Variants in ZNF711 observed in about 807,000 individuals in gnomAD.
The protein encoded by ZNF711 is ZFX family zinc finger ZNF711.
In ZNF711, 3 loss-of-function variants were observed where a neutral mutation model predicts 43.5. The ratio of observed to expected loss-of-function variants is 0.07; its 90% CI spans 0.03 to 0.18. The LOEUF is 0.18. ZNF711 is among the 10% of genes least tolerant of loss of function. The probability of loss-of-function intolerance (pLI) is 1.00; values close to 1 mark genes in which losing one functional copy is unlikely to be tolerated. For synonymous variants in ZNF711, 209 were observed against 207.7 expected, an observed-to-expected ratio of 1.01 and a Z score of -0.06; for missense variants, 412 against 604.0, an observed-to-expected ratio of 0.68 and a Z score of 3.33.
At position 85,255,594 on chromosome X, in the gene ZNF711, G is replaced by A; in HGVS notation, c.415G>A (p.Gly139Arg). 8.3e-7 allele frequency: 1 copy of A among 1,211,585 alleles called. No individual in the cohort carries two copies. Among genetic ancestry groups the A allele is most frequent in the Non-Finnish European group, 1.1e-6 (1 of 895,389 alleles). ...GGCTGACCTTGTTACTGGTCCTAAT[G>A]GACACTTAGAACATGTGGTCCAAGA... ...FVADLVTGPN[G>R]HLEHVVQDCV... Residue 139 changes from glycine (G) to arginine (R), a missense_variant, in exon 5 of 11, where the codon GGA becomes AGA. Gly to Arg is a moderately radical substitution (Grantham distance 125, BLOSUM62 -2). Coordinates refer to ENST00000674551, the MANE Select transcript of ZNF711 (RefSeq NM_001330574.2).
At position 85,265,153 on chromosome X, in the gene ZNF711, A is replaced by G; in HGVS notation, c.814A>G (p.Ser272Gly). The G allele has an allele frequency of 8.3e-7, 1 of 1,208,771 alleles. No homozygotes were observed. The highest frequency in any genetic ancestry group is 1.1e-6 in the Non-Finnish European group (1 of 893,278). Residue 272 changes from serine to glycine, a missense_variant, in exon 7 of 11, where the codon AGT becomes GGT. Ser to Gly is a moderately conservative substitution (Grantham distance 56). Coordinates refer to ENST00000674551, the MANE Select transcript of ZNF711 (RefSeq NM_001330574.2). ...AATTGTCACAGAGAGTGAGTACACC[A>G]GTGGACATTCAGTAGCTGGAGTGCT... ...TEIVTESEYT[S>G]GHSVAGVLDQ...
intron 8 of ZNF711, 119 bp from the exon 9 acceptor site, chrX:85,268,175 T>A (rs1346676732): frequency 1.1e-6 from 1 of 901,442 alleles, no homozygotes; most frequent in Non-Finnish European, 1.5e-6. Context: ...CAATTTTTTT[T>A]AACCCAAGGA....
intron 8 of ZNF711, among the ~76,000 whole-genome samples, chrX:85,267,667 G>C (rs1189713603): frequency 9.0e-6 from 1 of 111,336 alleles, no homozygotes; most frequent in Non-Finnish European, 1.9e-5. Context: ...CTGTATAAGT[G>C]AGTGCCATAA....
At chrX:85,256,137 C>CT (rs760831901) in intron 5 of ZNF711, among the ~76,000 whole-genome samples, 46 of 110,288 alleles carry the variant, frequency 4.2e-4, no homozygotes, top group African/African-American at 9.9e-4. Context: ...GTAGCCACTG[C>CT]TTTTTTTTAA....
At chrX:85,249,360 T>A (rs981489260) in intron 4 of ZNF711, among the ~76,000 whole-genome samples, 2 of 112,078 alleles carry the variant, frequency 1.8e-5, no homozygotes, top group African/African-American at 3.2e-5. Context: ...AAGATATTTT[T>A]AAAATGGAAG....
intron 4 of ZNF711, among the ~76,000 whole-genome samples, chrX:85,251,738 G>C (rs1485341698): frequency 1.8e-5 from 2 of 110,643 alleles, no homozygotes; most frequent in Non-Finnish European, 3.8e-5. Context: ...CCATTTTACT[G>C]TTTATCTCAA....
In ZNF711 at chrX:85,244,124, G is replaced by GGCGGCGGCGGCGGCGGCGGCGGCA. The variant is rs1260835613; in HGVS notation, c.-461_-438dup. The GGCGGCGGCGGCGGCGGCGGCGGCA allele has an allele frequency of 2.3e-5, 3 of 132,931 alleles. No homozygotes were observed. Among genetic ancestry groups the GGCGGCGGCGGCGGCGGCGGCGGCA allele is most frequent in the East Asian group, 1.9e-4 (1 of 5,163 alleles). 11.0% of individuals were successfully genotyped at this position (132,931 alleles called of 1,213,427 possible). On this transcript the variant is annotated 5_prime_UTR_variant, in exon 1 of 11. Coordinates refer to ENST00000674551, the MANE Select transcript of ZNF711 (RefSeq NM_001330574.2). ...GTCACAGTCCGACTGGCGGCACGGA[G>GGCGGCGGCGGCGGCGGCGGCGGCA]GCGGCGGCGGCGGCGGCGGCGGCAG...
rs1930080761 is a variant in ZNF711, at chrX:85,255,811, A to G, written c.622+10A>G. On this transcript the variant is annotated intron_variant, in intron 5 of 10. Transcript: ENST00000674551. ...TACTTAATGATATCTTGTAAGTGAA[A>G]CATAAAGCCCATAATTACTCAGGAG... 1 of 1,206,378 alleles carries G rather than the reference A, an allele frequency of 8.3e-7. No individual in the cohort carries two copies. Among genetic ancestry groups the G allele is most frequent in the South Asian group, 1.8e-5 (1 of 56,450 alleles).
At chrX:85,253,806 C>CACA (rs1929779003) in intron 4 of ZNF711, among the ~76,000 whole-genome samples, 1 of 109,436 alleles carries the variant, frequency 9.1e-6, no homozygotes, top group African/African-American at 3.3e-5. Flanking sequence ...CACACAGACA[C>CACA]CCTTGGCAAC....
chrX:85,254,824 AAG>A (rs2147816914), intron 4 of ZNF711, among the ~76,000 whole-genome samples: 1 of 108,413 alleles, frequency 9.2e-6, no homozygotes, highest in African/African-American at 3.3e-5. Context: ...AAAAAAGAAA[AAG>A]AAAAAAAGAA....
chrX:85,272,051 C>T lies in ZNF711; in HGVS notation c.*223C>T, dbSNP rs182454327. ...GCACTATAGAATGGTTACAGAAAAACTTCTTAAGTATCTGTGTAATAGTAT... is the reference window on the plus strand; with the variant it reads ...GCACTATAGAATGGTTACAGAAAAATTTCTTAAGTATCTGTGTAATAGTAT... On this transcript the variant is annotated 3_prime_UTR_variant, in exon 11 of 11. Coordinates refer to ENST00000674551, the MANE Select transcript of ZNF711 (RefSeq NM_001330574.2). The T allele has an allele frequency of 5.7e-4, 236 of 410,552 alleles. No individual in the cohort carries two copies. The highest frequency in any genetic ancestry group is 5.5e-3 in the African/African-American group (219 of 40,118). The allele number at this position is 410,552 out of a possible 1,213,427, so 33.8% of individuals were successfully genotyped here. A position where few individuals can be genotyped will look rare whatever the true frequency, so the allele number is the denominator to read the frequency against.
intron 9 of ZNF711, among the ~76,000 whole-genome samples, chrX:85,269,709 G>A (rs1317472293): frequency 9.0e-6 from 1 of 111,320 alleles, no homozygotes; most frequent in Non-Finnish European, 1.9e-5. Context: ...CATCTTATCA[G>A]TTTATTCCTG....
intron 8 of ZNF711, 60 bp downstream of exon 8, chrX:85,267,475 G>A: frequency 1.1e-6 from 1 of 946,783 alleles, no homozygotes; most frequent in Non-Finnish European, 1.4e-6. Context: ...TCAGCCTTTA[G>A]GCCATTAAAT....
chrX:85,247,983 A>T (rs1929179559), intron 4 of ZNF711, among the ~76,000 whole-genome samples: 1 of 110,588 alleles, frequency 9.0e-6, no homozygotes, highest in African/African-American at 3.3e-5. Flanking sequence ...GAAATGTTAA[A>T]CTGACTTTCT....
At chrX:85,268,379 C>A (rs1931287948) in intron 9 of ZNF711, 38 bp downstream of exon 9, 1 of 1,134,840 alleles carries the variant, frequency 8.8e-7, no homozygotes, top group African/African-American at 2.0e-5. Flanking sequence ...AGTTAAAGTT[C>A]TGGCTTTATT....
intron 8 of ZNF711, 137 bp from the exon 9 acceptor site, chrX:85,268,157 G>C: frequency 1.4e-6 from 1 of 734,840 alleles, no homozygotes; most frequent in South Asian, 2.8e-5. Context: ...AGGAGTGGAA[G>C]AACACAACAA....
At chrX:85,252,556 G>C (rs1420210641) in intron 4 of ZNF711, among the ~76,000 whole-genome samples, 1 of 111,863 alleles carries the variant, frequency 8.9e-6, no homozygotes, top group Non-Finnish European at 1.9e-5. Flanking sequence ...TAGAATTCCA[G>C]TACAGTTAAT....
chrX:85,258,791 A>G (rs1476025572), intron 5 of ZNF711, among the ~76,000 whole-genome samples: 1 of 110,123 alleles, frequency 9.1e-6, no homozygotes, highest in Non-Finnish European at 1.9e-5. Flanking sequence ...AGTTCTTTGT[A>G]GATTCTGGAT....
At position 85,271,741 on chromosome X, in the gene ZNF711, C is replaced by T. The variant is rs766331862; in HGVS notation, c.2337C>T (p.His779=). 2 of 1,210,987 alleles carry T rather than the reference C, an allele frequency of 1.7e-6. No individual in the cohort carries two copies. Among genetic ancestry groups the T allele is most frequent in the Non-Finnish European group, 2.2e-6 (2 of 895,021 alleles). ...VISIHTKDYP[H]RCEFCKKGFR... ...CAATACATACAAAAGACTATCCACA[C>T]AGGTGTGAATTCTGCAAGAAGGGAT... The change falls in exon 11 of 11, where the codon CAC becomes CAT. Residue 779 remains histidine, a synonymous_variant. Transcript: ENST00000674551.
Sources: gnomAD v4.1 joint callset for allele counts (sites outside exome capture counted in the v4.1 genomes callset) on GRCh38, gnomAD v4.1.1 for gene constraint, MANE v1.5 for transcripts, NCBI Gene and HGNC (gene_info 2026-07-23, HGNC 2026-07-21) for gene names.